PLEKHA5: variants seen among roughly 807,000 people sequenced by gnomAD.
PLEKHA5 encodes the protein pleckstrin homology domain-containing family A member 5.
Under a neutral mutation model 181.9 loss-of-function variants are expected in PLEKHA5, and 55 were observed. The observed-to-expected ratio is 0.30, with a 90% confidence interval of 0.24 to 0.38. The LOEUF (loss-of-function observed/expected upper bound fraction) is 0.38. PLEKHA5 is among the 10% of genes least tolerant of loss of function. PLEKHA5 has a pLI of 1.00. For missense variants in PLEKHA5, 1,432 were observed against 1,549.5 expected (o/e 0.92, Z 1.27); for synonymous variants, 535 against 529.4 (o/e 1.01, Z -0.15).
intron 3 of PLEKHA5, among the ~76,000 whole-genome samples, chr12:19,144,637 A>T (rs1227352048): frequency 6.6e-6 from 1 of 152,200 alleles, no homozygotes; most frequent in South Asian, 2.1e-4. Flanking sequence ...TTCAGCCAGC[A>T]TTGCAACTCT....
intron 20 of PLEKHA5, among the ~76,000 whole-genome samples, chr12:19,333,235 A>AGATCGCACCGTTT (rs1278510240): frequency 1.3e-5 from 2 of 152,000 alleles, no homozygotes; most frequent in East Asian, 3.9e-4. Context: ...CGATGAGCTG[A>AGATCGCACCGTTT]GATCGCACCG....
At chr12:19,192,865 TC>T (rs2051531441) in intron 3 of PLEKHA5, among the ~76,000 whole-genome samples, 1 of 152,198 alleles carries the variant, frequency 6.6e-6, no homozygotes, top group Non-Finnish European at 1.5e-5. Context: ...ACTAATACTT[TC>T]GATTAGGGGT....
At position 19,283,422 on chromosome 12, in the gene PLEKHA5, C is replaced by T; in HGVS notation, c.1456C>T (p.His486Tyr). The T allele has an allele frequency of 1.2e-6, 2 of 1,614,070 alleles. No individual in the cohort carries two copies. Among genetic ancestry groups the T allele is most frequent in the Non-Finnish European group, 1.7e-6 (2 of 1,180,008 alleles). The change falls in exon 12 of 32, where the codon CAT becomes TAT. Residue 486 changes from histidine (H) to tyrosine (Y), a missense_variant. His to Tyr is a moderately conservative substitution (Grantham distance 83). Coordinates refer to ENST00000429027, the MANE Select transcript of PLEKHA5 (RefSeq NM_001256470.2). Reference protein sequence around the residue: ...ESICSVTPSTHDKTLGPGAEE... With the variant: ...ESICSVTPSTYDKTLGPGAEE... ...TATCTGCAGTGTAACCCCTTCCACT[C>T]ATGACAAGACATTAGGACCCGGAGC...
chr12:19,305,084 G>A (rs1270710857), intron 15 of PLEKHA5, among the ~76,000 whole-genome samples: 1 of 152,194 alleles, frequency 6.6e-6, no homozygotes, highest in Non-Finnish European at 1.5e-5. Flanking sequence ...TAAGCAGGAG[G>A]TGATGTCATG....
intron 3 of PLEKHA5, among the ~76,000 whole-genome samples, chr12:19,237,258 T>G (rs1425965534): frequency 6.6e-6 from 1 of 152,188 alleles, no homozygotes; most frequent in Non-Finnish European, 1.5e-5. Context: ...TGCAAATGCT[T>G]GAACATTTTA....
At chr12:19,342,315 G>A (rs945516283) in intron 21 of PLEKHA5, among the ~76,000 whole-genome samples, 1 of 152,090 alleles carries the variant, frequency 6.6e-6, no homozygotes, top group East Asian at 1.9e-4. Context: ...ATCTTATTTT[G>A]GTTTCAGTTA....
At chr12:19,239,302 A>G (rs2062010222) in intron 3 of PLEKHA5, among the ~76,000 whole-genome samples, 1 of 152,186 alleles carries the variant, frequency 6.6e-6, no homozygotes. Flanking sequence ...GTGTCTCCAG[A>G]GTGAAATATT....
chr12:19,144,275 T>C (rs1000939815), intron 3 of PLEKHA5, among the ~76,000 whole-genome samples: 2 of 152,148 alleles, frequency 1.3e-5, no homozygotes, highest in African/African-American at 4.8e-5. Flanking sequence ...GATTTCTAAT[T>C]TCTCACTTTT....
intron 5 of PLEKHA5, among the ~76,000 whole-genome samples, chr12:19,256,959 GTGATA>G (rs578110114): frequency 2.6e-5 from 4 of 152,154 alleles, no homozygotes; most frequent in Non-Finnish European, 4.4e-5. Context: ...TTGACTTGAT[GTGATA>G]TATTTGTTTA....
chr12:19,363,846 G>A (rs891908651), intron 29 of PLEKHA5, among the ~76,000 whole-genome samples: 6 of 151,994 alleles, frequency 3.9e-5, no homozygotes, highest in African/African-American at 1.2e-4. Flanking sequence ...ACATATTACC[G>A]GCACTAGAAA....
intron 15 of PLEKHA5, among the ~76,000 whole-genome samples, chr12:19,300,993 A>T (rs1438653589): frequency 1.9e-5 from 2 of 106,042 alleles, no homozygotes; most frequent in African/African-American, 3.0e-5. Context: ...AAAAAAAAAA[A>T]TACAAAATTA....
chr12:19,153,098 C>G (rs748239895), intron 3 of PLEKHA5: 1 of 151,318 alleles, frequency 6.6e-6, no homozygotes, highest in African/African-American at 2.4e-5. Context: ...ATTGCCAGTA[C>G]AGTGATAGAA....
intron 3 of PLEKHA5, among the ~76,000 whole-genome samples, chr12:19,167,977 G>A (rs1317107656): frequency 6.6e-6 from 1 of 152,084 alleles, no homozygotes; most frequent in Non-Finnish European, 1.5e-5. Flanking sequence ...ATCACAGCCT[G>A]CATTACTGTT....
At chr12:19,292,338 G>A (rs1592348628) in intron 15 of PLEKHA5, among the ~76,000 whole-genome samples, 2 of 151,788 alleles carry the variant, frequency 1.3e-5, no homozygotes, top group South Asian at 2.1e-4. Flanking sequence ...CCCGGGAGGT[G>A]GAGGTTGCAG....
chr12:19,339,719 A>G (rs140392541), intron 21 of PLEKHA5, among the ~76,000 whole-genome samples: 1 of 152,270 alleles, frequency 6.6e-6, no homozygotes, highest in East Asian at 1.9e-4. Flanking sequence ...GAGAAGTCAT[A>G]CTCTATGAAT....
intron 3 of PLEKHA5, among the ~76,000 whole-genome samples, chr12:19,206,033 G>A (rs1240118357): frequency 6.6e-6 from 1 of 151,926 alleles, no homozygotes; most frequent in Non-Finnish European, 1.5e-5. Context: ...AAAATAAAAG[G>A]TGTTACAGTT....
At chr12:19,277,995 A>G (rs2075069959) in intron 11 of PLEKHA5, among the ~76,000 whole-genome samples, 2 of 152,204 alleles carry the variant, frequency 1.3e-5, no homozygotes, top group African/African-American at 2.4e-5. Context: ...TAGAGTGTTC[A>G]TTTCTTAAGC....
chr12:19,358,123 A>G, intron 26 of PLEKHA5, 105 bp from the exon 27 acceptor site: 2 of 774,684 alleles, frequency 2.6e-6, no homozygotes, highest in Non-Finnish European at 4.1e-6. Context: ...TCTTCTTGTG[A>G]TTTTGAAAAC....
chr12:19,355,614 T>A lies in PLEKHA5; in HGVS notation c.3138+1612T>A, dbSNP rs1338669590. On this transcript the variant is annotated intron_variant, in intron 26 of 31. Transcript: ENST00000429027. ...TATTAAAGTACAACTACAAAGTACA[T>A]GCCAAAAAAAACTCAGCTGCATTTA... 2.0e-5 allele frequency among the ~76,000 whole-genome samples: 3 copies of A among 151,814 alleles called. No individual in the cohort carries two copies. In the East Asian group the frequency reaches 5.8e-4, roughly 29 times the overall value.
Sources: gnomAD v4.1 joint callset for allele counts (sites outside exome capture counted in the v4.1 genomes callset) on GRCh38, gnomAD v4.1.1 for gene constraint, MANE v1.5 for transcripts, NCBI Gene and HGNC (gene_info 2026-07-23, HGNC 2026-07-21) for gene names.